Variants in SERPINA10 observed in about 807,000 individuals in gnomAD.
SERPINA10 encodes the protein protein Z-dependent protease inhibitor.
In SERPINA10, 24 loss-of-function variants were observed where a neutral mutation model predicts 28.0. The observed-to-expected ratio is 0.86, with a 90% CI of 0.62 to 1.20. The LOEUF (loss-of-function observed/expected upper bound fraction) is 1.20, where lower values mean the gene tolerates loss of function less well. Ranked by LOEUF, SERPINA10 falls within the 50% of genes most tolerant of loss-of-function variation. The pLI is 0.00. For synonymous variants in SERPINA10, 207 were observed against 203.9 expected (o/e 1.02, Z -0.13); for missense variants, 521 against 537.7 (o/e 0.97, Z 0.31).
In SERPINA10 at chr14:94,280,863, A is replaced by G. The variant is rs1894880860; in HGVS notation, c.*3102T>C. 1 of 152,196 alleles carries G rather than the reference A, an allele frequency of 6.6e-6. No homozygotes were observed. Among genetic ancestry groups the G allele is most frequent in the Non-Finnish European group, 1.5e-5 (1 of 68,038 alleles). The allele number at this position is 152,196 out of a possible 1,614,324, so 9.4% of individuals were successfully genotyped here. A position where few individuals can be genotyped will look rare whatever the true frequency, so the allele number is the denominator to read the frequency against. On this transcript the variant is annotated 3_prime_UTR_variant, in exon 5 of 5. Coordinates refer to ENST00000261994, the MANE Select transcript of SERPINA10 (RefSeq NM_001100607.3). ...TAGAGGTTAAATAAGGAGCACATAA[A>G]GTTTTTCTTTATAACCTCTTACACA...
rs1389677714 is a variant in SERPINA10 at position 94,290,569 on chromosome 14, G to A, written c.25C>T (p.Leu9Phe). ...CACACCTGTGCCAGGAGGACGGAGA[G>A]CAGGAGACTTGGCACCACCTTCATG... MKVVPSLL[L>F]SVLLAQVWLV... The change falls in exon 2 of 5, where the codon CTC becomes TTC. Residue 9 changes from leucine to phenylalanine, a missense_variant. By Grantham distance (22) the Leu-to-Phe change is conservative. Coordinates refer to ENST00000261994, the MANE Select transcript of SERPINA10 (RefSeq NM_001100607.3). 2 of 1,613,570 alleles carry A rather than the reference G, an allele frequency of 1.2e-6. No homozygotes were observed. The highest frequency in any genetic ancestry group is 1.7e-6 in the Non-Finnish European group (2 of 1,179,948).
In SERPINA10 at chr14:94,282,032, GCCCTCTA is replaced by G. The variant is rs1467316906; in HGVS notation, c.*1926_*1932del. On this transcript the variant is annotated 3_prime_UTR_variant, in exon 5 of 5. Coordinates refer to ENST00000261994, the MANE Select transcript of SERPINA10 (RefSeq NM_001100607.3). ...AGATAGAGTTAGTCCTCTGTCTTTGGCCCTCTAGGGCCTAGAATTGCCTGTCCCTTCA... is the reference window on the plus strand; with the variant it reads ...AGATAGAGTTAGTCCTCTGTCTTTGGGGGCCTAGAATTGCCTGTCCCTTCA... 6.6e-6 allele frequency: 1 copy of G among 152,454 alleles called. No individual in the cohort carries two copies. Among genetic ancestry groups the G allele is most frequent in the African/African-American group, 2.4e-5 (1 of 41,424 alleles). The allele number at this position is 152,454 out of a possible 1,614,324, so 9.4% of individuals were successfully genotyped here.
In SERPINA10 at chr14:94,288,520, A is replaced by G. The variant is rs61737402; in HGVS notation, c.758T>C (p.Val253Ala). The change falls in exon 3 of 5, where the codon GTC becomes GCC. Residue 253 changes from valine (V) to alanine (A), a missense_variant. Transcript: ENST00000261994. ...GTACTTGTCCAGGTGGAAAGTGTCG[A>G]CTTCGGTGAAGACAGGGTCAAATGG... The part of the protein sequence containing the change: ...LTPFDPVFTE[V>A]DTFHLDKYKT... The G allele has an allele frequency of 3.5e-4, 559 of 1,614,222 alleles. 2 individuals carry two copies. In the African/African-American group the frequency reaches 6.7e-3, roughly 19 times the overall value.
chr14:94,290,213 C>G lies in SERPINA10; in HGVS notation c.381G>C (p.Gly127=), dbSNP rs1895131225. 6.2e-7 allele frequency: 1 copy of G among 1,613,476 alleles called. No individual in the cohort carries two copies. The highest frequency in any genetic ancestry group is 1.3e-5 in the African/African-American group (1 of 74,816). The change falls in exon 2 of 5, where the codon GGG becomes GGC. Residue 127 remains glycine (G), a synonymous_variant. Coordinates refer to ENST00000261994, the MANE Select transcript of SERPINA10 (RefSeq NM_001100607.3). ...TGPTETQIKR[G]LHLQALKPTK... is the part of the protein sequence containing the mutation. ...TGGGCTTCAGGGCCTGCAAGTGGAGCCCTCTCTTGATCTGGGTTTCAGTCG... is the reference window on the plus strand; with the variant it reads ...TGGGCTTCAGGGCCTGCAAGTGGAGGCCTCTCTTGATCTGGGTTTCAGTCG...
rs529485405 is a variant in SERPINA10, at chr14:94,290,776, G to A, written c.-50-133C>T. The A allele has an allele frequency of 7.5e-6, 7 of 937,370 alleles. No homozygotes were observed. In the South Asian group the frequency reaches 1.2e-4, roughly 16 times the overall value. The allele number at this position is 937,370 out of a possible 1,614,324, so 58.1% of individuals were successfully genotyped here. A position where few individuals can be genotyped will look rare whatever the true frequency, so the allele number is the denominator to read the frequency against. On this transcript the variant is annotated intron_variant, in intron 1 of 4. Transcript: ENST00000261994. ...TAGCCCTGCCCCAGGGAGACCTAGA[G>A]CAAGTGTGGGTGACATTTGCTCACC...
chr14:94,288,689 A>T (rs1384970498), intron 2 of SERPINA10, 130 bp from the exon 3 acceptor site: 1 of 1,276,558 alleles, frequency 7.8e-7, no homozygotes, highest in Non-Finnish European at 1.1e-6. Flanking sequence ...CAACTAGGAA[A>T]GGCGTTCCCT....
Position 94,290,305 on chromosome 14 carries a change from T to G in SERPINA10, c.289A>C (p.Asn97His), listed in dbSNP as rs529472591. The change falls in exon 2 of 5, where the codon AAC becomes CAC. Residue 97 changes from asparagine to histidine, a missense_variant. Asn to His is a moderately conservative substitution (Grantham distance 68). Coordinates refer to ENST00000261994, the MANE Select transcript of SERPINA10 (RefSeq NM_001100607.3). ...ATGCCAAATGGAGAGAAGACCATGT[T>G]GCCATCGTGCCTCATGGAGATCTTT... ...LRKISMRHDG[N>H]MVFSPFGMSL... 2.2e-5 allele frequency: 35 copies of G among 1,614,216 alleles called. No individual in the cohort carries two copies. The East Asian group carries it at 7.4e-4, about 34-fold the overall frequency.
intron 3 of SERPINA10, 21 bp from the exon 4 acceptor site, chr14:94,286,279 A>G (rs1895022929): frequency 1.2e-6 from 2 of 1,612,664 alleles, no homozygotes; most frequent in African/African-American, 1.3e-5. Flanking sequence ...AGAACAGATG[A>G]TGGTGAAATG....
intron 4 of SERPINA10, among the ~76,000 whole-genome samples, chr14:94,284,625 C>T (rs970859060): frequency 6.6e-6 from 1 of 152,160 alleles, no homozygotes. Context: ...CCTGGTACTA[C>T]TCTGAGGCAT....
At chr14:94,291,874 G>A (rs1895186439) in intron 1 of SERPINA10, among the ~76,000 whole-genome samples, 2 of 152,226 alleles carry the variant, frequency 1.3e-5, no homozygotes, top group Admixed American at 1.3e-4. Flanking sequence ...CCCTTGCTCG[G>A]GCTGAATGGC....
rs370084509 is a variant in SERPINA10 at position 94,290,049 on chromosome 14, G to T, written c.545C>A (p.Ser182Tyr). 3.7e-6 allele frequency: 6 copies of T among 1,614,082 alleles called. No individual in the cohort carries two copies. In the African/African-American group the frequency reaches 8.0e-5, roughly 22 times the overall value. Residue 182 changes from serine (S) to tyrosine (Y), a missense_variant, in exon 2 of 5, where the codon TCC (serine) becomes TAC (tyrosine). Transcript: ENST00000261994. ...GCACTCTGTATCAAAATACCTCTTGGATAAATTGAAGAAAGTCTCTTTGAC... is the reference window on the plus strand; with the variant it reads ...GCACTCTGTATCAAAATACCTCTTGTATAAATTGAAGAAAGTCTCTTTGAC... Reference protein sequence around the residue: ...FDVKETFFNLSKRYFDTECVP... With the variant: ...FDVKETFFNLYKRYFDTECVP...
intron 1 of SERPINA10, chr14:94,292,758 C>G: frequency 1.4e-6 from 1 of 695,206 alleles, no homozygotes; most frequent in Non-Finnish European, 2.6e-6. Context: ...AGGGGGTGCT[C>G]CTGGACTAGG....
At chr14:94,290,775 A>G (rs914992512) in intron 1 of SERPINA10, 132 bp from the exon 2 acceptor site, 3 of 964,756 alleles carry the variant, frequency 3.1e-6, no homozygotes, top group Non-Finnish European at 4.6e-6. Context: ...GGAGACCTAG[A>G]GCAAGTGTGG....
intron 1 of SERPINA10, 142 bp from the exon 2 acceptor site, chr14:94,290,785 G>A: frequency 1.2e-6 from 1 of 869,012 alleles, no homozygotes; most frequent in Non-Finnish European, 1.7e-6. Context: ...AGCAAGTGTG[G>A]GTGACATTTG....
rs1338310175 is a variant in SERPINA10, at chr14:94,286,277, T to C, written c.993-19A>G. ...CATGTTTCTGTGGTACAAGAACAGA[T>C]GATGGTGAAATGTAGACAAAGCCCT... On this transcript the variant is annotated intron_variant, in intron 3 of 4. Transcript: ENST00000261994. The C allele has an allele frequency of 6.2e-7, 1 of 1,612,936 alleles. No individual in the cohort carries two copies. Among genetic ancestry groups the C allele is most frequent in the Non-Finnish European group, 8.5e-7 (1 of 1,179,956 alleles).
chr14:94,285,819 A>G (rs1018878706), intron 4 of SERPINA10, among the ~76,000 whole-genome samples: 4 of 152,128 alleles, frequency 2.6e-5, no homozygotes, highest in African/African-American at 9.7e-5. Flanking sequence ...TTCAACATAA[A>G]TGATGATGCC....
At chr14:94,292,095 G>A (rs746894419) in intron 1 of SERPINA10, among the ~76,000 whole-genome samples, 6 of 152,174 alleles carry the variant, frequency 3.9e-5, no homozygotes, top group African/African-American at 9.7e-5. Context: ...CCAGTTTCAC[G>A]CTTTTATTGT....
rs1248866593 is a variant in SERPINA10, at chr14:94,281,925, A to T, written c.*2040T>A. 1 of 152,512 alleles carries T rather than the reference A, an allele frequency of 6.6e-6. No individual in the cohort carries two copies. Among genetic ancestry groups the T allele is most frequent in the Non-Finnish European group, 1.5e-5 (1 of 68,016 alleles). 9.4% of individuals were successfully genotyped at this position (152,512 alleles called of 1,614,324 possible). On this transcript the variant is annotated 3_prime_UTR_variant, in exon 5 of 5. Transcript: ENST00000261994. ...TCTTAAAAGTGGGAAATTGGACTGGATGCTACTTTATTCCTCTTTCTACTA... is the reference window on the plus strand; with the variant it reads ...TCTTAAAAGTGGGAAATTGGACTGGTTGCTACTTTATTCCTCTTTCTACTA...
At chr14:94,289,197 C>T (rs552921990) in intron 2 of SERPINA10, among the ~76,000 whole-genome samples, 4 of 152,320 alleles carry the variant, frequency 2.6e-5, no homozygotes, top group African/African-American at 7.2e-5. Flanking sequence ...AAGTGGCATC[C>T]AACCCACGTC....
Sources: gnomAD v4.1 joint callset for allele counts (sites outside exome capture counted in the v4.1 genomes callset) on GRCh38, gnomAD v4.1.1 for gene constraint, MANE v1.5 for transcripts, NCBI Gene and HGNC (gene_info 2026-07-23, HGNC 2026-07-21) for gene names.